Variants in TRIO observed in about 807,000 individuals in gnomAD.
TRIO encodes the protein trio Rho guanine nucleotide exchange factor, also known as triple functional domain protein.
In TRIO, 58 loss-of-function variants were observed where a neutral mutation model predicts 351.9. The ratio of observed to expected loss-of-function variants is 0.16; its 90% CI spans 0.13 to 0.21. TRIO has a LOEUF of 0.21. Ranked by LOEUF, TRIO falls within the 10% of genes least tolerant of loss-of-function variation. TRIO has a pLI of 1.00. For synonymous variants in TRIO, 1,758 were observed against 1,595.7 expected (o/e 1.10, Z -2.42); for missense variants, 3,201 against 4,027.8 (o/e 0.79, Z 5.56).
At chr5:14,348,138 A>G (rs1196315471) in intron 11 of TRIO, among the ~76,000 whole-genome samples, 1 of 152,108 alleles carries the variant, frequency 6.6e-6, no homozygotes, top group Non-Finnish European at 1.5e-5. Context: ...TCCAGTCCCT[A>G]TGTCGTTTTG....
chr5:14,166,941 A>G (rs1402649210), intron 1 of TRIO, among the ~76,000 whole-genome samples: 1 of 152,108 alleles, frequency 6.6e-6, no homozygotes, highest in Non-Finnish European at 1.5e-5. Context: ...TCACTTGGCA[A>G]GTTGCTGTGG....
chr5:14,401,793 G>A (rs1748088754), intron 31 of TRIO, among the ~76,000 whole-genome samples: 1 of 152,194 alleles, frequency 6.6e-6, no homozygotes, highest in African/African-American at 2.4e-5. Flanking sequence ...ATCTGGAAAT[G>A]CCATCAGCGG....
intron 1 of TRIO, among the ~76,000 whole-genome samples, chr5:14,166,310 G>A (rs1788761144): frequency 6.6e-6 from 1 of 152,172 alleles, no homozygotes; most frequent in South Asian, 2.1e-4. Context: ...GTCACTTAGT[G>A]GGGTCTCTTG....
chr5:14,349,413 C>T (rs185204080), intron 11 of TRIO, among the ~76,000 whole-genome samples: 32 of 152,282 alleles, frequency 2.1e-4, no homozygotes, highest in Admixed American at 5.9e-4. Flanking sequence ...TATCTCTTTC[C>T]TTGCTCTTTT....
At chr5:14,145,682 G>T (rs1465587961) in intron 1 of TRIO, among the ~76,000 whole-genome samples, 1 of 152,146 alleles carries the variant, frequency 6.6e-6, no homozygotes, top group African/African-American at 2.4e-5. Flanking sequence ...AGGCTCTTCT[G>T]CGTTGGAGAT....
chr5:14,267,990 C>T (rs558269951), intron 1 of TRIO, among the ~76,000 whole-genome samples: 25 of 152,298 alleles, frequency 1.6e-4, no homozygotes, highest in African/African-American at 5.3e-4. Context: ...CTGGTCTATG[C>T]GTGGGCATGT....
intron 1 of TRIO, among the ~76,000 whole-genome samples, chr5:14,209,002 C>T (rs764712199): frequency 1.3e-5 from 2 of 152,116 alleles, no homozygotes; most frequent in Admixed American, 6.5e-5. Context: ...TATTACAGTC[C>T]GTGTAAAATG....
chr5:14,190,955 G>T (rs1383413775), intron 1 of TRIO, among the ~76,000 whole-genome samples: 1 of 152,122 alleles, frequency 6.6e-6, no homozygotes, highest in East Asian at 1.9e-4. Context: ...ATTAGGTAAT[G>T]ACACTCTCCC....
intron 31 of TRIO, 57 bp from the exon 32 acceptor site, chr5:14,405,791 G>A: frequency 3.2e-6 from 5 of 1,538,970 alleles, no homozygotes; most frequent in South Asian, 1.3e-5. Flanking sequence ...GGTGTGGTTA[G>A]GGCAAGGTCT....
Position 14,317,045 on chromosome 5 carries a change from AC to A in TRIO, c.1731+304del, listed in dbSNP as rs376193707. 3.9e-3 allele frequency among the ~76,000 whole-genome samples: 591 copies of A among 152,274 alleles called. 2 individuals are homozygous for A. Among genetic ancestry groups the A allele is most frequent in the African/African-American group, 0.013 (551 of 41,554 alleles). The stretch of plus-strand genomic sequence containing the variant: ...GTGACAATAATGCTGGTGTGCTCAC[AC>A]CAGTGTATTGTTATAATTTAGTTAA... On this transcript the variant is annotated intron_variant, in intron 9 of 56. Coordinates refer to ENST00000344204, the MANE Select transcript of TRIO (RefSeq NM_007118.4).
At chr5:14,420,272 GT>G in intron 34 of TRIO, 1 of 492,844 alleles carries the variant, frequency 2.0e-6, no homozygotes, top group South Asian at 2.4e-5. Context: ...TATGACATCA[GT>G]TTAGAGAAGA....
rs770388712 is a variant in TRIO at position 14,387,497 on chromosome 5, G to C, written c.3630G>C (p.Gly1210=). 3 of 1,614,032 alleles carry C rather than the reference G, an allele frequency of 1.9e-6. No homozygotes were observed. The highest frequency in any genetic ancestry group is 2.7e-5 in the African/African-American group (2 of 74,932). The change falls in exon 22 of 57, where the codon GGG becomes GGC. Residue 1210 remains glycine (G), a synonymous_variant. Coordinates refer to ENST00000344204, the MANE Select transcript of TRIO (RefSeq NM_007118.4). ...TGGCTGATGGCTTTTGTGAAAAAGG[G>C]CATGCCCATGCGGCAGAGATAAAAA... is the stretch of plus-strand genomic sequence containing the variant. ...IQLADGFCEK[G]HAHAAEIKKC...
intron 1 of TRIO, among the ~76,000 whole-genome samples, chr5:14,246,862 G>A (rs1794469993): frequency 1.3e-5 from 2 of 152,142 alleles, no homozygotes; most frequent in Non-Finnish European, 2.9e-5. Context: ...AATGTTCCTT[G>A]GCATGGTGGT....
At chr5:14,498,696 G>A in intron 53 of TRIO, 56 bp downstream of exon 53, 3 of 1,593,570 alleles carry the variant, frequency 1.9e-6, no homozygotes, top group East Asian at 4.5e-5. Flanking sequence ...TCTTTCAGGA[G>A]TCTCCTTAAG....
At chr5:14,420,352 T>TA (rs1256108711) in intron 34 of TRIO, 1 of 276,432 alleles carries the variant, frequency 3.6e-6, no homozygotes, top group Non-Finnish European at 7.0e-6. Flanking sequence ...TGTGTCATGA[T>TA]ACCTCCTGGA....
At chr5:14,167,888 G>A (rs1788865323) in intron 1 of TRIO, among the ~76,000 whole-genome samples, 1 of 152,186 alleles carries the variant, frequency 6.6e-6, no homozygotes, top group African/African-American at 2.4e-5. Context: ...TTCTTACTTA[G>A]TAGAGATTGA....
chr5:14,363,830 C>T lies in TRIO; in HGVS notation c.2490C>T (p.His830=), dbSNP rs761991752. Residue 830 remains histidine (H), a synonymous_variant, in exon 14 of 57, where the codon CAC becomes CAT. Coordinates refer to ENST00000344204, the MANE Select transcript of TRIO (RefSeq NM_007118.4). The part of the protein sequence containing the change: ...DLTIAEQRLQ[H]HADKALTMNN... Reference sequence around the variant, plus strand: ...CGATTGCAGAGCAGCGCCTCCAGCACCATGCAGACAAAGCCTTGACCATGA... The same window carrying T: ...CGATTGCAGAGCAGCGCCTCCAGCATCATGCAGACAAAGCCTTGACCATGA... 1 of 1,614,218 alleles carries T rather than the reference C, an allele frequency of 6.2e-7. No homozygotes were observed. Among genetic ancestry groups the T allele is most frequent in the Non-Finnish European group, 8.5e-7 (1 of 1,180,040 alleles).
intron 1 of TRIO, among the ~76,000 whole-genome samples, chr5:14,163,974 A>T (rs1561152342): frequency 6.6e-6 from 1 of 152,148 alleles, no homozygotes; most frequent in African/African-American, 2.4e-5. Flanking sequence ...TCTTGTGTGA[A>T]TGTGTGTTTT....
intron 11 of TRIO, among the ~76,000 whole-genome samples, chr5:14,355,665 A>T (rs879930639): frequency 2.6e-5 from 4 of 152,236 alleles, no homozygotes; most frequent in Admixed American, 6.5e-5. Context: ...AGAGTCCTTC[A>T]TGCTATGATC....
Sources: gnomAD v4.1 joint callset for allele counts (sites outside exome capture counted in the v4.1 genomes callset) on GRCh38, gnomAD v4.1.1 for gene constraint, MANE v1.5 for transcripts, NCBI Gene and HGNC (gene_info 2026-07-23, HGNC 2026-07-21) for gene names.